The following PRKAR1A variants were observed in gnomAD, a reference collection of about 807,000 sequenced individuals.
PRKAR1A encodes protein kinase cAMP-dependent type I regulatory subunit alpha, also known as cAMP-dependent protein kinase type I-alpha regulatory subunit.
Under a neutral mutation model 52.0 loss-of-function variants are expected in PRKAR1A, and 3 were observed. That is an observed-to-expected ratio of 0.06 (90% CI 0.03 to 0.15). The LOEUF is 0.15. Ranked by LOEUF, PRKAR1A falls within the 10% of genes least tolerant of loss-of-function variation. PRKAR1A has a pLI of 1.00. For synonymous variants in PRKAR1A, 188 were observed against 168.4 expected (o/e 1.12, Z -0.90); for missense variants, 240 against 477.4 (o/e 0.50, Z 4.63).
At chr17:68,467,448 T>C in the PRKAR1A span, among the ~76,000 whole-genome samples, 6 of 152,180 alleles carry the variant, frequency 3.9e-5, no homozygotes, top group Admixed American at 3.9e-4. Context: ...TTTGTTTTTG[T>C]TTTCCGAATT....
chr17:68,515,812 T>C, intron 2 of PRKAR1A: 1 of 540,164 alleles, frequency 1.9e-6, no homozygotes, highest in Non-Finnish European at 3.3e-6. Context: ...TAATAAAGGG[T>C]TTCCAAACAA....
At chr17:68,542,295 A>G (rs576243251) in intron 11 of PRKAR1A, 35 of 1,035,198 alleles carry the variant, frequency 3.4e-5, no homozygotes, top group East Asian at 1.6e-4. Context: ...AAAGAAGAAG[A>G]AGGAAACATT....
chr17:68,516,319 A>G (rs1326584639), intron 2 of PRKAR1A, among the ~76,000 whole-genome samples: 1 of 152,166 alleles, frequency 6.6e-6, no homozygotes, highest in Non-Finnish European at 1.5e-5. Context: ...TCCCTCAAGA[A>G]ACGATGAATG....
intron 11 of PRKAR1A, among the ~76,000 whole-genome samples, chr17:68,538,589 G>T (rs1335345935): frequency 6.6e-6 from 1 of 152,266 alleles, no homozygotes; most frequent in African/African-American, 2.4e-5. Context: ...GGCCAAGCAA[G>T]GGCCTTCGTG....
At position 68,524,934 on chromosome 17, in the gene PRKAR1A, T is replaced by C. The variant is rs1168113151; in HGVS notation, c.525T>C (p.Tyr175=). The change falls in exon 6 of 11, where the codon TAT becomes TAC. Residue 175 remains tyrosine, a synonymous_variant. Coordinates refer to ENST00000589228, the MANE Select transcript of PRKAR1A (RefSeq NM_002734.5). The part of the protein sequence containing the change: ...IQQGDEGDNF[Y]VIDQGETDVY... ...TAGGTGATGAAGGGGATAACTTCTA[T>C]GTGATTGATCAAGGAGAGACGGATG... The C allele has an allele frequency of 1.2e-6, 2 of 1,610,266 alleles. No homozygotes were observed. Among genetic ancestry groups the C allele is most frequent in the Admixed American group, 1.7e-5 (1 of 60,012 alleles).
intron 10 of PRKAR1A, 123 bp from the exon 11 acceptor site, chr17:68,530,154 C>G: frequency 6.0e-6 from 9 of 1,494,808 alleles, no homozygotes; most frequent in Non-Finnish European, 8.4e-6. Context: ...AGATTTTGAT[C>G]TTTACTCATT....
At chr17:68,424,678 C>G in the PRKAR1A span, 1 of 347,996 alleles carries the variant, frequency 2.9e-6, no homozygotes, top group Non-Finnish European at 5.7e-6. Context: ...GAGTTTGAGA[C>G]CAGCGTGACC....
intron 11 of PRKAR1A, among the ~76,000 whole-genome samples, chr17:68,546,715 A>G (rs1445261966): frequency 6.6e-6 from 1 of 151,840 alleles, no homozygotes; most frequent in Non-Finnish European, 1.5e-5. Context: ...CTGTAGTCCC[A>G]GCCACTCGGG....
chr17:68,466,889 G>C, the PRKAR1A span, among the ~76,000 whole-genome samples: 1 of 152,094 alleles, frequency 6.6e-6, no homozygotes, highest in Non-Finnish European at 1.5e-5. Flanking sequence ...CACTCCGAAA[G>C]AAAACCCTGT....
chr17:68,532,376 A>C lies in PRKAR1A; in HGVS notation c.*1927A>C. ...AGTTACGTATAATGCTTTCTGAGTGAGTTTTACTCTTAAATCATTTGGTTA... is the reference window on the plus strand; with the variant it reads ...AGTTACGTATAATGCTTTCTGAGTGCGTTTTACTCTTAAATCATTTGGTTA... On this transcript the variant is annotated 3_prime_UTR_variant, in exon 11 of 11. Transcript: ENST00000589228. The C allele has an allele frequency of 9.5e-7, 1 of 1,056,838 alleles. No homozygotes were observed. Among genetic ancestry groups the C allele is most frequent in the Non-Finnish European group, 1.1e-6 (1 of 871,456 alleles). The allele number at this position is 1,056,838 out of a possible 1,614,324, so 65.5% of individuals were successfully genotyped here. A position where few individuals can be genotyped will look rare whatever the true frequency, so the allele number is the denominator to read the frequency against.
the PRKAR1A span, among the ~76,000 whole-genome samples, chr17:68,489,349 AT>A: frequency 2.4e-5 from 3 of 122,808 alleles, no homozygotes; most frequent in African/African-American, 9.5e-5. Context: ...GTATATATAT[AT>A]ATATATATGG....
rs147647032 is a variant in PRKAR1A, at chr17:68,529,260, C to T, written c.891+269C>T. 0.013 allele frequency among the ~76,000 whole-genome samples: 2,025 copies of T among 152,238 alleles called. 24 individuals are homozygous for T. Among genetic ancestry groups the T allele is most frequent in the South Asian group, 0.04 (192 of 4,822 alleles). On this transcript the variant is annotated intron_variant, in intron 9 of 10. Coordinates refer to ENST00000589228, the MANE Select transcript of PRKAR1A (RefSeq NM_002734.5). ...GACATGAAAAGCCAAATTCTAAAAA[C>T]CATTTAACATAACAAACTGTGATGA...
chr17:68,531,367 C>T lies in PRKAR1A; in HGVS notation c.*918C>T. On this transcript the variant is annotated 3_prime_UTR_variant, in exon 11 of 11. Transcript: ENST00000589228. ...GCTGACTCCAGTATAATCTCCTCTG[C>T]TCATTAAACTGATTCCAGGAGATTG... The T allele has an allele frequency of 9.4e-7, 1 of 1,065,722 alleles. No individual in the cohort carries two copies. The highest frequency in any genetic ancestry group is 1.1e-6 in the Non-Finnish European group (1 of 879,442). 66.0% of individuals were successfully genotyped at this position (1,065,722 alleles called of 1,614,324 possible).
chr17:68,536,994 A>C (rs2143436741), downstream of PRKAR1A: 1 of 454,800 alleles, frequency 2.2e-6, no homozygotes, highest in East Asian at 6.9e-5. Context: ...TGAACCTGTC[A>C]GAGTTACTGT....
chr17:68,548,210 A>G (rs1011793250), intron 11 of PRKAR1A, among the ~76,000 whole-genome samples: 2 of 152,234 alleles, frequency 1.3e-5, no homozygotes, highest in Admixed American at 6.5e-5. Context: ...CCTGGCCAAC[A>G]CAGTGAAACC....
downstream of PRKAR1A, chr17:68,535,534 T>C: frequency 2.2e-6 from 1 of 454,014 alleles, no homozygotes; most frequent in South Asian, 1.6e-5. Context: ...TGGTTCTTCA[T>C]CCACAGGGAA....
chr17:68,485,823 C>G, the PRKAR1A span, among the ~76,000 whole-genome samples: 85 of 152,276 alleles, frequency 5.6e-4, no homozygotes, highest in South Asian at 2.7e-3. Context: ...ACTGCAGCCT[C>G]CACCCCCTGG....
chr17:68,526,309 T>C (rs566249284), intron 7 of PRKAR1A, among the ~76,000 whole-genome samples: 1 of 152,218 alleles, frequency 6.6e-6, no homozygotes, highest in African/African-American at 2.4e-5. Context: ...TTCCCTAACC[T>C]GTGAAAGTGG....
At chr17:68,529,740 C>G (rs2085908390) in intron 9 of PRKAR1A, among the ~76,000 whole-genome samples, 180 bp from the exon 10 acceptor site, 1 of 152,224 alleles carries the variant, frequency 6.6e-6, no homozygotes, top group South Asian at 2.1e-4. Context: ...ATACGAAGAA[C>G]CTCGCTAGCA....
Sources: allele counts gnomAD v4.1 joint callset (sites outside exome capture counted in the v4.1 genomes callset), GRCh38; gene constraint gnomAD v4.1.1; transcripts MANE v1.5; gene names NCBI Gene and HGNC (gene_info 2026-07-23, HGNC 2026-07-21).